RBFOX1: variants seen among roughly 807,000 people sequenced by gnomAD.
RBFOX1 encodes RNA binding fox-1 homolog 1.
RBFOX1 carries 8 observed loss-of-function variants against 57.7 expected under a neutral mutation model. That is an observed-to-expected ratio of 0.14 (90% CI 0.08 to 0.25). The LOEUF is 0.25. Ranked by LOEUF, RBFOX1 falls within the 10% of genes least tolerant of loss-of-function variation. The pLI, the probability that RBFOX1 is intolerant of heterozygous loss-of-function variation, is 1.00. For synonymous variants in RBFOX1, 326 were observed against 222.4 expected, an observed-to-expected ratio of 1.47 and a Z score of -4.15; for missense variants, 611 against 548.5, an observed-to-expected ratio of 1.11 and a Z score of -1.14.
chr16:5,758,963 G>C (rs2053493540), intron 3 of RBFOX1, among the ~76,000 whole-genome samples: 1 of 152,204 alleles, frequency 6.6e-6, no homozygotes, highest in Admixed American at 6.5e-5. Context: ...GAGGGGCAGT[G>C]TGATACATTG....
intron 3 of RBFOX1, among the ~76,000 whole-genome samples, chr16:6,659,683 G>C (rs968256476): frequency 2.6e-5 from 4 of 151,998 alleles, no homozygotes; most frequent in Non-Finnish European, 5.9e-5. Context: ...TTTCAATATG[G>C]GGCAGGCTTT....
At chr16:6,942,460 G>C (rs1415510367) in intron 3 of RBFOX1, among the ~76,000 whole-genome samples, 1 of 152,094 alleles carries the variant, frequency 6.6e-6, no homozygotes, top group East Asian at 1.9e-4. Flanking sequence ...TGCCCAGCCA[G>C]GATGAGCTTT....
At chr16:7,510,099 C>T (rs1481463218) in intron 4 of RBFOX1, 58 of 981,072 alleles carry the variant, frequency 5.9e-5, no homozygotes, top group Non-Finnish European at 7.0e-5. Context: ...AAAGTGCCAT[C>T]TGGGTTGGTT....
chr16:6,316,187 G>C lies in RBFOX1; in HGVS notation c.-126-808G>C, dbSNP rs141866190. Among the ~76,000 whole-genome samples the C allele has an allele frequency of 9.8e-5, 14 of 143,118 alleles. No individual in the cohort carries two copies. The East Asian group carries it at 2.4e-3, about 24-fold the overall frequency. The allele number at this position is 143,118 out of a possible 152,430, so 93.9% of individuals were successfully genotyped here. A position where few individuals can be genotyped will look rare whatever the true frequency, so the allele number is the denominator to read the frequency against. On this transcript the variant is annotated intron_variant, in intron 1 of 15. Transcript: ENST00000550418. ...ACAAGTCAGTATCCCAACCCCCTTG[G>C]GTATAGGATGCCGTAAACATCTTTC...
At chr16:7,704,875 A>G (rs1282004546) in intron 14 of RBFOX1, among the ~76,000 whole-genome samples, 2 of 151,628 alleles carry the variant, frequency 1.3e-5, no homozygotes, top group East Asian at 4.0e-4. Flanking sequence ...ACATGGTGAA[A>G]TGTTGTCTAC....
At chr16:7,419,301 C>T (rs2098516207) in intron 4 of RBFOX1, among the ~76,000 whole-genome samples, 1 of 152,116 alleles carries the variant, frequency 6.6e-6, no homozygotes, top group Non-Finnish European at 1.5e-5. Context: ...ATCATTGCAA[C>T]AGTGACACTC....
chr16:7,697,013 G>A (rs2079009372), intron 14 of RBFOX1, among the ~76,000 whole-genome samples: 1 of 152,178 alleles, frequency 6.6e-6, no homozygotes, highest in African/African-American at 2.4e-5. Context: ...GAGGAAGTTA[G>A]GACTTGGAGG....
At chr16:5,263,762 C>T (rs1169491778) in intron 1 of RBFOX1, among the ~76,000 whole-genome samples, 2 of 152,034 alleles carry the variant, frequency 1.3e-5, no homozygotes, top group Non-Finnish European at 1.5e-5. Context: ...GGCTCTGAAA[C>T]CCCTAGGGAT....
At chr16:7,587,357 A>G (rs527688499) in intron 7 of RBFOX1, 57 bp downstream of exon 7, 2 of 1,437,254 alleles carry the variant, frequency 1.4e-6, no homozygotes, top group South Asian at 3.4e-5. Context: ...GTTTGTTATG[A>G]ATAAGGGGAA....
intron 4 of RBFOX1, among the ~76,000 whole-genome samples, chr16:7,195,267 T>C (rs2086415491): frequency 6.6e-6 from 1 of 152,198 alleles, no homozygotes; most frequent in South Asian, 2.1e-4. Context: ...CCTCATTCTC[T>C]TAAATTAATT....
In RBFOX1 at chr16:7,526,066, A is replaced by G. The variant is rs9940355; in HGVS notation, c.270+7677A>G. ...TACCACTTTAGCTCTGCCTCCTGTCAGATCAACAATGGCATTAGATTCTCA... is the reference window on the plus strand; with the variant it reads ...TACCACTTTAGCTCTGCCTCCTGTCGGATCAACAATGGCATTAGATTCTCA... On this transcript the variant is annotated intron_variant, in intron 5 of 15. Transcript: ENST00000550418. 1.8e-3 allele frequency among the ~76,000 whole-genome samples: 271 copies of G among 152,330 alleles called. 2 individuals carry two copies. The highest frequency in any genetic ancestry group is 6.4e-3 in the African/African-American group (265 of 41,574).
chr16:5,537,378 T>G (rs1052151513), intron 2 of RBFOX1, among the ~76,000 whole-genome samples: 1 of 152,246 alleles, frequency 6.6e-6, no homozygotes, highest in East Asian at 1.9e-4. Context: ...ATTGCTGCTG[T>G]GTCAAACTAC....
chr16:6,929,707 A>AT (rs56797994), intron 3 of RBFOX1, among the ~76,000 whole-genome samples: 15,620 of 151,976 alleles, frequency 0.1, 924 homozygotes, highest in East Asian at 0.15. Flanking sequence ...CTACGGGGTT[A>AT]TTTTTTTTAA....
In RBFOX1 at chr16:7,712,140, T is replaced by C. The variant is rs1467670484; in HGVS notation, c.*1395T>C. ...CCGAAAAATTGCAGTTTGTCTGTAC[T>C]TCTGTTTGAACTTTCCACGTTGTCC... On this transcript the variant is annotated 3_prime_UTR_variant, in exon 16 of 16. Coordinates refer to ENST00000550418, the MANE Select transcript of RBFOX1 (RefSeq NM_018723.4). The C allele has an allele frequency of 6.6e-6, 1 of 152,630 alleles. No homozygotes were observed. The highest frequency in any genetic ancestry group is 1.5e-5 in the Non-Finnish European group (1 of 68,042). 9.5% of individuals were successfully genotyped at this position (152,630 alleles called of 1,614,324 possible).
chr16:7,320,200 A>G (rs1359108513), intron 4 of RBFOX1, among the ~76,000 whole-genome samples: 6 of 152,070 alleles, frequency 3.9e-5, no homozygotes, highest in African/African-American at 1.4e-4. Context: ...CCCCATGTTC[A>G]TCAGCTATTT....
chr16:6,968,512 C>T (rs1050387006), intron 3 of RBFOX1, among the ~76,000 whole-genome samples: 2 of 152,122 alleles, frequency 1.3e-5, no homozygotes, highest in African/African-American at 2.4e-5. Flanking sequence ...CTCCCATAGC[C>T]GTTTCCTGAG....
intron 2 of RBFOX1, among the ~76,000 whole-genome samples, chr16:6,510,614 C>T (rs1019157860): frequency 3.9e-5 from 6 of 152,178 alleles, no homozygotes; most frequent in African/African-American, 7.2e-5. Flanking sequence ...CGTATGCCTC[C>T]AGAGGCTCCC....
intron 1 of RBFOX1, among the ~76,000 whole-genome samples, chr16:6,155,021 A>C (rs2096828726): frequency 6.6e-6 from 1 of 152,240 alleles, no homozygotes; most frequent in South Asian, 2.1e-4. Flanking sequence ...TTTGCTAACA[A>C]GGGTCAATTA....
At chr16:6,045,540 T>C (rs1397933851) in intron 1 of RBFOX1, among the ~76,000 whole-genome samples, 2 of 152,222 alleles carry the variant, frequency 1.3e-5, no homozygotes, top group African/African-American at 4.8e-5. Context: ...CATTCATTCA[T>C]TCAGTGAATA....
Sources: allele counts gnomAD v4.1 joint callset (sites outside exome capture counted in the v4.1 genomes callset), GRCh38; gene constraint gnomAD v4.1.1; transcripts MANE v1.5; gene names NCBI Gene and HGNC (gene_info 2026-07-23, HGNC 2026-07-21).